Variants in N4BP2 observed in about 807,000 individuals in gnomAD.
N4BP2 encodes NEDD4 binding protein 2, also known as NEDD4-binding protein 2.
Under a neutral mutation model 152.8 loss-of-function variants are expected in N4BP2, and 91 were observed. That is an observed-to-expected ratio of 0.60 (90% confidence interval 0.50 to 0.71). The LOEUF is 0.71. Ranked by LOEUF, N4BP2 falls within the 30% of genes least tolerant of loss-of-function variation. N4BP2 has a pLI of 0.00. For missense variants in N4BP2, 1,923 were observed against 2,059.1 expected, an observed-to-expected ratio of 0.93 and a Z score of 1.28; for synonymous variants, 646 against 705.3, an observed-to-expected ratio of 0.92 and a Z score of 1.33.
rs1159422430 is a variant in N4BP2, at chr4:40,106,723, ATGTT to A, written c.1374-175_1374-172del. On this transcript the variant is annotated intron_variant, in intron 4 of 17. Coordinates refer to ENST00000261435, the MANE Select transcript of N4BP2 (RefSeq NM_018177.6). ...GCCACCGTACCTGGCTAATTTTTGT[ATGTT>A]TAGTAGAGATGGGATTTCACCATGT... Among the ~76,000 whole-genome samples the A allele has an allele frequency of 2.6e-5, 4 of 152,002 alleles. No homozygotes were observed. The East Asian group carries it at 7.7e-4, about 29-fold the overall frequency.
the N4BP2 span, among the ~76,000 whole-genome samples, chr4:40,185,729 G>A: frequency 2.0e-5 from 3 of 152,106 alleles, no homozygotes; most frequent in East Asian, 5.8e-4. Flanking sequence ...AAAATGCCAT[G>A]TAAGCAGGAA....
At chr4:40,065,573 T>C (rs972218954) in intron 1 of N4BP2, among the ~76,000 whole-genome samples, 1 of 151,332 alleles carries the variant, frequency 6.6e-6, no homozygotes, top group Admixed American at 6.6e-5. Context: ...GATGGGAGGG[T>C]GGATTGTATT....
chr4:40,076,014 T>C (rs554351857), intron 2 of N4BP2, among the ~76,000 whole-genome samples: 1 of 152,080 alleles, frequency 6.6e-6, no homozygotes, highest in South Asian at 2.1e-4. Context: ...TTCACAGAGA[T>C]GTGTTCTCCC....
At chr4:40,086,124 C>G (rs1375651186) in intron 2 of N4BP2, among the ~76,000 whole-genome samples, 1 of 104,842 alleles carries the variant, frequency 9.5e-6, no homozygotes, top group South Asian at 4.5e-4. Flanking sequence ...GCCAACATGC[C>G]CGGCTAATTT....
chr4:40,154,472 T>C lies in N4BP2; in HGVS notation c.*235T>C, dbSNP rs1251565379. ...GAGAAATTTTATTGATTACAAAATA[T>C]GTAAGAAAATTATCAGCTACAGTTT... On this transcript the variant is annotated 3_prime_UTR_variant, in exon 18 of 18. Coordinates refer to ENST00000261435, the MANE Select transcript of N4BP2 (RefSeq NM_018177.6). 2.5e-6 allele frequency: 1 copy of C among 407,188 alleles called. No individual in the cohort carries two copies. The highest frequency in any genetic ancestry group is 2.1e-5 in the African/African-American group (1 of 47,488). 25.2% of individuals were successfully genotyped at this position (407,188 alleles called of 1,614,324 possible).
At chr4:40,170,445 CCT>C in the N4BP2 span, among the ~76,000 whole-genome samples, 8 of 151,838 alleles carry the variant, frequency 5.3e-5, no homozygotes, top group African/African-American at 7.3e-5. Flanking sequence ...ATGACGATAC[CCT>C]GTCTCTACAA....
downstream of N4BP2, among the ~76,000 whole-genome samples, chr4:40,162,003 G>A (rs1183128253): frequency 9.2e-5 from 14 of 152,316 alleles, no homozygotes; most frequent in East Asian, 2.5e-3. Flanking sequence ...CCAGAAAAGT[G>A]TTGTAGAAAT....
Position 40,104,241 on chromosome 4 carries a change from C to T in N4BP2, c.1373+1023C>T, listed in dbSNP as rs1168313136. 4.6e-5 allele frequency among the ~76,000 whole-genome samples: 7 copies of T among 151,274 alleles called. No homozygotes were observed. The South Asian group carries it at 1.3e-3, about 27-fold the overall frequency. On this transcript the variant is annotated intron_variant, in intron 4 of 17. Coordinates refer to ENST00000261435, the MANE Select transcript of N4BP2 (RefSeq NM_018177.6). ...TGCTGGGATTACAGGCGTGAGCCAC[C>T]GCGCCTGGCTTGCTAGTTCTTTTTT...
chr4:40,140,590 TAA>T (rs200208751), intron 14 of N4BP2, among the ~76,000 whole-genome samples: 2 of 152,122 alleles, frequency 1.3e-5, no homozygotes, highest in African/African-American at 2.4e-5. Flanking sequence ...TCTTTTTTTT[TAA>T]AATTAATTTA....
rs553032405 is a variant in N4BP2, at chr4:40,100,592, G to A, written c.230-1483G>A. Among the ~76,000 whole-genome samples the A allele has an allele frequency of 2.6e-4, 39 of 151,862 alleles. 2 individuals carry two copies. Among genetic ancestry groups the A allele is most frequent in the Non-Finnish European group, 7.4e-5 (5 of 67,968 alleles). On this transcript the variant is annotated intron_variant, in intron 3 of 17. Transcript: ENST00000261435. ...TTTCCATGTTGCCCAGGCTGGTCTC[G>A]AACTCCTGGGCTCAAGCGATCTACC...
intron 6 of N4BP2, among the ~76,000 whole-genome samples, chr4:40,112,392 C>CT (rs1716971790): frequency 6.6e-6 from 1 of 152,038 alleles, no homozygotes; most frequent in Non-Finnish European, 1.5e-5. Flanking sequence ...TTTTTGAACT[C>CT]TAAGATTGTT....
chr4:40,131,096 T>TA (rs1227040960), intron 12 of N4BP2, among the ~76,000 whole-genome samples: 1 of 152,222 alleles, frequency 6.6e-6, no homozygotes, highest in Non-Finnish European at 1.5e-5. Context: ...AGCTTGTTTG[T>TA]ACACTGTAGT....
intron 3 of N4BP2, among the ~76,000 whole-genome samples, chr4:40,100,648 A>G (rs1424726802): frequency 6.6e-6 from 1 of 152,182 alleles, no homozygotes; most frequent in African/African-American, 2.4e-5. Context: ...TTAGGATTAT[A>G]GGCATGAGCT....
downstream of N4BP2, among the ~76,000 whole-genome samples, chr4:40,159,621 A>G (rs1218758720): frequency 2.0e-5 from 3 of 152,324 alleles, no homozygotes; most frequent in Admixed American, 6.5e-5. Context: ...GGACACTTCT[A>G]CTTACGTCCT....
chr4:40,149,206 C>T (rs1720905919), intron 16 of N4BP2, among the ~76,000 whole-genome samples: 1 of 152,256 alleles, frequency 6.6e-6, no homozygotes, highest in Admixed American at 6.5e-5. Context: ...CCTAAAAGTT[C>T]ATTAACTGAT....
rs1476997638 is a variant in N4BP2, at chr4:40,154,920, C to A, written c.*683C>A. The A allele has an allele frequency of 6.6e-6, 1 of 152,174 alleles. No homozygotes were observed. Among genetic ancestry groups the A allele is most frequent in the Non-Finnish European group, 1.5e-5 (1 of 68,068 alleles). 9.4% of individuals were successfully genotyped at this position (152,174 alleles called of 1,614,324 possible). A position where few individuals can be genotyped will look rare whatever the true frequency, so the allele number is the denominator to read the frequency against. On this transcript the variant is annotated 3_prime_UTR_variant, in exon 18 of 18. Transcript: ENST00000261435. ...TACTTTCTATAGACAGAAAGGTTTTCAGAGAAAAAGAAATGGTTAAATATC... is the reference window on the plus strand; with the variant it reads ...TACTTTCTATAGACAGAAAGGTTTTAAGAGAAAAAGAAATGGTTAAATATC...
intron 12 of N4BP2, among the ~76,000 whole-genome samples, chr4:40,127,631 A>G (rs1299049360): frequency 2.6e-5 from 4 of 151,840 alleles, no homozygotes; most frequent in Non-Finnish European, 5.9e-5. Context: ...TGTCTATCTT[A>G]CTATTAAAGA....
At chr4:40,110,083 C>G (rs1218525442) in intron 5 of N4BP2, among the ~76,000 whole-genome samples, 1 of 152,184 alleles carries the variant, frequency 6.6e-6, no homozygotes, top group Non-Finnish European at 1.5e-5. Flanking sequence ...AACATGTGGA[C>G]TTTTGTGATT....
chr4:40,128,989 G>A (rs1207638440), intron 12 of N4BP2, among the ~76,000 whole-genome samples: 1 of 152,118 alleles, frequency 6.6e-6, no homozygotes, highest in East Asian at 1.9e-4. Context: ...GAACAAATGA[G>A]CATCTTTTGA....
Sources: allele counts gnomAD v4.1 joint callset (sites outside exome capture counted in the v4.1 genomes callset), GRCh38; gene constraint gnomAD v4.1.1; transcripts MANE v1.5; gene names NCBI Gene and HGNC (gene_info 2026-07-23, HGNC 2026-07-21).